KCNN2: variants seen among roughly 807,000 people sequenced by gnomAD.
The protein encoded by KCNN2 is small conductance calcium-activated potassium channel protein 2.
In KCNN2, 24 loss-of-function variants were observed where a neutral mutation model predicts 55.5. That is an observed-to-expected ratio of 0.43 (90% CI 0.31 to 0.61). The LOEUF (loss-of-function observed/expected upper bound fraction) is 0.61, where lower values mean the gene tolerates loss of function less well. Among genes scored for constraint, KCNN2 ranks in the 20% least tolerant of loss-of-function variants. The pLI, the probability that KCNN2 is intolerant of heterozygous loss-of-function variation, is 0.08. For synonymous variants in KCNN2, 431 were observed against 336.1 expected (o/e 1.28, Z -3.09); for missense variants, 754 against 853.6 (o/e 0.88, Z 1.45).
chr5:114,273,700 T>G (rs148385776), intron 2 of KCNN2, among the ~76,000 whole-genome samples: 12,517 of 152,064 alleles, frequency 0.082, 652 homozygotes, highest in African/African-American at 0.14. Flanking sequence ...GATGGGGTTG[T>G]TTTTTTCTTG....
At chr5:114,280,211 G>C (rs1242606399) in intron 2 of KCNN2, among the ~76,000 whole-genome samples, 1 of 152,186 alleles carries the variant, frequency 6.6e-6, no homozygotes, top group East Asian at 1.9e-4. Context: ...CCCTTTGTCA[G>C]ATGGGTAGAT....
intron 2 of KCNN2, among the ~76,000 whole-genome samples, chr5:114,337,609 C>T (rs962507547): frequency 1.3e-5 from 2 of 152,052 alleles, no homozygotes; most frequent in Non-Finnish European, 2.9e-5. Context: ...AAGAATGTAG[C>T]CAAAGTTCTT....
intron 2 of KCNN2, among the ~76,000 whole-genome samples, chr5:114,251,117 G>A (rs1754849275): frequency 6.6e-6 from 1 of 152,250 alleles, no homozygotes; most frequent in Admixed American, 6.5e-5. Flanking sequence ...GTCAGGTGGA[G>A]CTGAGTATCA....
intron 2 of KCNN2, among the ~76,000 whole-genome samples, chr5:114,312,418 CACACACACACACACACATATATAT>C (rs1318189261): frequency 1.7e-4 from 12 of 70,928 alleles, no homozygotes; most frequent in East Asian, 1.1e-3. Flanking sequence ...CACACACACA[CACACACACACACACACATATATAT>C]ATATATATAT....
intron 2 of KCNN2, among the ~76,000 whole-genome samples, chr5:114,320,389 G>A (rs577512896): frequency 1.4e-3 from 208 of 152,068 alleles, no homozygotes; most frequent in Admixed American, 2.7e-3. Context: ...TGAGGCGGGC[G>A]GATCATGAGG....
intron 1 of KCNN2, among the ~76,000 whole-genome samples, chr5:114,148,845 G>T (rs970391507): frequency 6.6e-6 from 1 of 152,088 alleles, no homozygotes; most frequent in African/African-American, 2.4e-5. Context: ...CTAGTAGGGG[G>T]TCAGCTACTC....
chr5:114,277,558 C>T (rs1472361803), intron 2 of KCNN2, among the ~76,000 whole-genome samples: 5 of 152,158 alleles, frequency 3.3e-5, no homozygotes, highest in Non-Finnish European at 7.4e-5. Flanking sequence ...TGTCTCTAAT[C>T]TTGTCTTCTT....
rs1757467908 is a variant in KCNN2, at chr5:114,362,690, A to C, written c.551A>C (p.His184Pro). 2 of 1,419,272 alleles carry C rather than the reference A, an allele frequency of 1.4e-6. No individual in the cohort carries two copies. Among genetic ancestry groups the C allele is most frequent in the Non-Finnish European group, 1.8e-6 (2 of 1,081,110 alleles). The allele number at this position is 1,419,272 out of a possible 1,614,324, so 87.9% of individuals were successfully genotyped here. The change falls in exon 1 of 8, where the codon CAC becomes CCC. Residue 184 changes from histidine to proline, a missense_variant. Around this residue, in one of 4 missense-constraint regions of KCNN2, gnomAD observed 381 missense variants for 259.1 expected, o/e 1.47. Transcript: ENST00000673685. ...GSLGSGPPLS[H>P]HHHHPHPAHH... ...CTGGGCTCCGGGCCCCCGCTCTCGC[A>C]CCACCACCACCACCCGCACCCGGCG...
chr5:114,323,935 T>C lies in KCNN2; in HGVS notation c.-184-37010T>C, dbSNP rs78334133. On this transcript the variant is annotated intron_variant, in intron 2 of 10. Coordinates refer to the KCNN2 transcript ENST00000512097. ...GTGCTGGGAGCCACTGCACCCAGCC[T>C]GTCAAATATTTTAATATGTGAAACA... Among the ~76,000 whole-genome samples, 1,152 of 152,124 alleles carry C rather than the reference T, an allele frequency of 7.6e-3. 12 individuals are homozygous for C. The highest frequency in any genetic ancestry group is 0.026 in the African/African-American group (1,096 of 41,518).
chr5:114,163,670 G>T (rs1242036357), intron 1 of KCNN2, among the ~76,000 whole-genome samples: 2 of 152,020 alleles, frequency 1.3e-5, no homozygotes, highest in Non-Finnish European at 2.9e-5. Flanking sequence ...GTTTCTTCTT[G>T]CCCTCTCTGG....
At chr5:114,377,072 C>T (rs1295798367) in intron 2 of KCNN2, among the ~76,000 whole-genome samples, 2 of 151,998 alleles carry the variant, frequency 1.3e-5, no homozygotes, top group South Asian at 2.1e-4. Context: ...AGAGTGAGCC[C>T]GTCTCTTAAA....
intron 2 of KCNN2, among the ~76,000 whole-genome samples, chr5:114,228,248 A>C (rs919362773): frequency 1.3e-5 from 2 of 152,146 alleles, no homozygotes; most frequent in South Asian, 4.1e-4. Context: ...TTTTAATATA[A>C]GTCTCAAAAG....
intron 1 of KCNN2, among the ~76,000 whole-genome samples, chr5:114,170,201 T>G (rs2112541932): frequency 6.6e-6 from 1 of 152,184 alleles, no homozygotes; most frequent in Admixed American, 6.6e-5. Context: ...GAAAGCATCA[T>G]TTTTGGCCAT....
intron 2 of KCNN2, among the ~76,000 whole-genome samples, chr5:114,311,222 C>CT (rs1756385872): frequency 6.6e-6 from 1 of 152,060 alleles, no homozygotes; most frequent in Admixed American, 6.6e-5. Context: ...CTCAAAGTGA[C>CT]TTAGTCCAGA....
At chr5:114,062,155 C>T (rs184892983) in intron 1 of KCNN2, among the ~76,000 whole-genome samples, 5 of 151,254 alleles carry the variant, frequency 3.3e-5, no homozygotes, top group Non-Finnish European at 7.4e-5. Context: ...AGACTTGTCA[C>T]GTAGTTATAA....
chr5:114,402,985 G>T (rs1758832066), intron 2 of KCNN2, among the ~76,000 whole-genome samples: 1 of 152,192 alleles, frequency 6.6e-6, no homozygotes, highest in African/African-American at 2.4e-5. Context: ...AGAGTGAGGT[G>T]CGAGGAGCAA....
At chr5:114,393,676 T>C (rs1345378696) in intron 2 of KCNN2, among the ~76,000 whole-genome samples, 3 of 152,140 alleles carry the variant, frequency 2.0e-5, no homozygotes, top group Non-Finnish European at 4.4e-5. Context: ...ACTTTTATCA[T>C]TAATTTCTGG....
At chr5:114,492,625 C>T (rs1302626701) in intron 6 of KCNN2, among the ~76,000 whole-genome samples, 2 of 151,894 alleles carry the variant, frequency 1.3e-5, no homozygotes, top group Non-Finnish European at 2.9e-5. Context: ...CGTTTTTTGA[C>T]TCTTAATTGA....
chr5:114,362,760 C>G lies in KCNN2; in HGVS notation c.621C>G (p.Pro207=), dbSNP rs751646907. 2.6e-6 allele frequency: 4 copies of G among 1,567,716 alleles called. No homozygotes were observed. The African/African-American group carries it at 4.0e-5, about 16-fold the overall frequency. Residue 207 remains proline, a synonymous_variant, in exon 1 of 8, where the codon CCC becomes CCG. Coordinates refer to ENST00000673685, the MANE Select transcript of KCNN2 (RefSeq NM_021614.4). ...HQPQARRESN[P]FTEIAMSSCR... ...CCCAGGCGCGCCGCGAGAGCAACCC[C>G]TTCACCGAAATAGCCATGAGCAGCT...
Sources: allele counts gnomAD v4.1 joint callset (sites outside exome capture counted in the v4.1 genomes callset), GRCh38; gene constraint gnomAD v4.1.1; regional missense constraint gnomAD v4.1.1; transcripts MANE v1.5; gene names NCBI Gene and HGNC (gene_info 2026-07-23, HGNC 2026-07-21).